VPS37A: variants seen among roughly 807,000 people sequenced by gnomAD.
VPS37A encodes the protein VPS37A subunit of ESCRT-I, also known as vacuolar protein sorting-associated protein 37A.
VPS37A carries 30 observed loss-of-function variants against 49.8 expected under a neutral mutation model. The observed-to-expected ratio is 0.60, with a 90% CI of 0.45 to 0.82. VPS37A has a LOEUF of 0.82. Ranked by LOEUF, VPS37A falls within the 40% of genes least tolerant of loss-of-function variation. VPS37A has a pLI of 0.00. For synonymous variants in VPS37A, 195 were observed against 160.6 expected (o/e 1.21, Z -1.62); for missense variants, 593 against 464.4 (o/e 1.28, Z -2.55).
intron 1 of VPS37A, 158 bp downstream of exon 1, chr8:17,247,527 C>G (rs986226172): frequency 3.8e-6 from 4 of 1,044,906 alleles, no homozygotes; most frequent in African/African-American, 3.2e-5. Flanking sequence ...CACTCCTGCC[C>G]CCTTTTACTG....
At chr8:17,325,394 G>A in the VPS37A span, among the ~76,000 whole-genome samples, 1 of 152,170 alleles carries the variant, frequency 6.6e-6, no homozygotes, top group South Asian at 2.1e-4. Context: ...GAACAGATCG[G>A]GTATCATCTC....
intron 11 of VPS37A, among the ~76,000 whole-genome samples, chr8:17,286,847 C>G (rs966350346): frequency 4.6e-5 from 7 of 152,102 alleles, no homozygotes; most frequent in African/African-American, 7.2e-5. Flanking sequence ...TCACCTGTCC[C>G]CACGACTTGA....
chr8:17,249,326 C>T (rs1017520489), intron 1 of VPS37A, among the ~76,000 whole-genome samples: 9 of 152,032 alleles, frequency 5.9e-5, no homozygotes, highest in African/African-American at 2.2e-4. Context: ...AGTAAATACG[C>T]GGAGTTGGAT....
intron 2 of VPS37A, among the ~76,000 whole-genome samples, chr8:17,267,323 G>A (rs1188064572): frequency 6.6e-6 from 1 of 152,072 alleles, no homozygotes; most frequent in Non-Finnish European, 1.5e-5. Context: ...AACCATCAGG[G>A]GAACAAAGAG....
intron 9 of VPS37A, among the ~76,000 whole-genome samples, chr8:17,283,046 T>C (rs1485137977): frequency 6.6e-6 from 1 of 152,214 alleles, no homozygotes; most frequent in Non-Finnish European, 1.5e-5. Flanking sequence ...AAAACATCCA[T>C]GTGAGCCATA....
At chr8:17,249,946 G>T (rs1811818664) in intron 1 of VPS37A, among the ~76,000 whole-genome samples, 1 of 152,190 alleles carries the variant, frequency 6.6e-6, no homozygotes, top group African/African-American at 2.4e-5. Flanking sequence ...TATGGTAATG[G>T]TAATAGACAG....
rs553667101 is a variant in VPS37A at position 17,275,938 on chromosome 8, G to C, written c.643-459G>C. ...CAAAATTACAAGAGGACTTTTCAAG[G>C]GTCCTCAAGGATAAAAAGTCATATA... On this transcript the variant is annotated intron_variant, in intron 5 of 11. Coordinates refer to ENST00000324849, the MANE Select transcript of VPS37A (RefSeq NM_152415.3). Among the ~76,000 whole-genome samples, 90 of 152,146 alleles carry C rather than the reference G, an allele frequency of 5.9e-4. 3 individuals carry two copies. The South Asian group carries it at 0.011, about 19-fold the overall frequency.
intron 3 of VPS37A, 29 bp downstream of exon 3, chr8:17,268,401 G>A (rs767655174): frequency 1.4e-6 from 2 of 1,466,982 alleles, no homozygotes; most frequent in East Asian, 2.3e-5. Context: ...TTATTTCAGG[G>A]TAATATAATA....
At chr8:17,250,095 G>A (rs997501951) in intron 1 of VPS37A, among the ~76,000 whole-genome samples, 1 of 152,194 alleles carries the variant, frequency 6.6e-6, no homozygotes, top group African/African-American at 2.4e-5. Context: ...GACCTTTCTA[G>A]ATTTTTTGTA....
chr8:17,274,071 G>T (rs1041770986), intron 4 of VPS37A, among the ~76,000 whole-genome samples: 18 of 152,038 alleles, frequency 1.2e-4, no homozygotes, highest in Non-Finnish European at 2.5e-4. Context: ...ATAATGATCT[G>T]GTTCTCTCTA....
downstream of VPS37A, among the ~76,000 whole-genome samples, chr8:17,306,915 G>C (rs1387296997): frequency 9.7e-6 from 1 of 103,326 alleles, no homozygotes; most frequent in Non-Finnish European, 1.9e-5. Context: ...TTAAACGTTA[G>C]ACCTAAAACT....
At chr8:17,312,937 T>G in the VPS37A span, among the ~76,000 whole-genome samples, 1 of 152,220 alleles carries the variant, frequency 6.6e-6, no homozygotes, top group East Asian at 1.9e-4. Context: ...GCTTATGCCA[T>G]GACTAAAAAG....
At chr8:17,273,629 G>A (rs1214669538) in intron 4 of VPS37A, among the ~76,000 whole-genome samples, 1 of 152,166 alleles carries the variant, frequency 6.6e-6, no homozygotes, top group Non-Finnish European at 1.5e-5. Flanking sequence ...GCCTCCCAAA[G>A]TGCTAGGATT....
the VPS37A span, among the ~76,000 whole-genome samples, chr8:17,324,144 C>T: frequency 1.1e-4 from 17 of 152,184 alleles, no homozygotes; most frequent in Admixed American, 3.3e-4. Flanking sequence ...AAGATCTTTC[C>T]TTCCTGCCAT....
At chr8:17,313,786 A>G in the VPS37A span, among the ~76,000 whole-genome samples, 1 of 152,218 alleles carries the variant, frequency 6.6e-6, no homozygotes, top group Admixed American at 6.5e-5. Flanking sequence ...AAATCATATA[A>G]CTAAGTGTAG....
At chr8:17,319,055 G>A in the VPS37A span, among the ~76,000 whole-genome samples, 1 of 152,186 alleles carries the variant, frequency 6.6e-6, no homozygotes, top group African/African-American at 2.4e-5. Context: ...GGGCCTCCTT[G>A]TTTAACTTAG....
At chr8:17,298,066 G>GACAT (rs1394119633), downstream of VPS37A, 10 of 152,010 alleles carry the variant, frequency 6.6e-5, no homozygotes, top group East Asian at 7.7e-4. Flanking sequence ...TGTTTTTATA[G>GACAT]ACATACACTG....
At chr8:17,255,336 C>G (rs1425120027) in intron 1 of VPS37A, among the ~76,000 whole-genome samples, 1 of 151,864 alleles carries the variant, frequency 6.6e-6, no homozygotes, top group Non-Finnish European at 1.5e-5. Context: ...TAAATATTAG[C>G]CGGGCATGGT....
Position 17,295,701 on chromosome 8 carries a change from C to T in VPS37A, c.*715C>T, listed in dbSNP as rs1816567247. On this transcript the variant is annotated 3_prime_UTR_variant, in exon 12 of 12. Coordinates refer to ENST00000324849, the MANE Select transcript of VPS37A (RefSeq NM_152415.3). The stretch of plus-strand genomic sequence containing the variant: ...CAGAAATTCTTATGCTAATTTAAAA[C>T]ATATATATATCTGGTAGGTTTGTGG... 6.6e-6 allele frequency: 1 copy of T among 152,090 alleles called. No individual in the cohort carries two copies. The highest frequency in any genetic ancestry group is 2.4e-5 in the African/African-American group (1 of 41,354). The allele number at this position is 152,090 out of a possible 1,614,324, so 9.4% of individuals were successfully genotyped here.
Sources: allele counts gnomAD v4.1 joint callset (sites outside exome capture counted in the v4.1 genomes callset), GRCh38; gene constraint gnomAD v4.1.1; transcripts MANE v1.5; gene names NCBI Gene and HGNC (gene_info 2026-07-23, HGNC 2026-07-21).